Variants in NPIPB2 observed in about 807,000 individuals in gnomAD.
The protein encoded by NPIPB2 is nuclear pore complex-interacting protein family member B2.
NPIPB2 carries 27 observed loss-of-function variants against 30.8 expected under a neutral mutation model. That is an observed-to-expected ratio of 0.88 (90% CI 0.65 to 1.21). The LOEUF (loss-of-function observed/expected upper bound fraction) is 1.21. Among genes scored for constraint, NPIPB2 ranks in the 50% most tolerant of loss-of-function variants. The pLI is 0.00. For missense variants in NPIPB2, 440 were observed against 446.2 expected, an observed-to-expected ratio of 0.99 and a Z score of 0.13; for synonymous variants, 147 against 162.0, an observed-to-expected ratio of 0.91 and a Z score of 0.70.
intron 1 of NPIPB2, among the ~76,000 whole-genome samples, chr16:11,957,048 T>C (rs530043156): frequency 6.6e-6 from 1 of 152,098 alleles, no homozygotes; most frequent in Non-Finnish European, 1.5e-5. Context: ...CTGGAGTGCA[T>C]TGGTGCGATC....
chr16:11,934,825 C>T (rs1170800928), intron 2 of NPIPB2, among the ~76,000 whole-genome samples: 1 of 135,834 alleles, frequency 7.4e-6, no homozygotes, highest in Non-Finnish European at 1.6e-5. Flanking sequence ...CACCACTGCA[C>T]TCCAGCCTGG....
chr16:11,943,329 A>T (rs1396370175), upstream of NPIPB2, among the ~76,000 whole-genome samples: 1 of 152,188 alleles, frequency 6.6e-6, no homozygotes, highest in African/African-American at 2.4e-5. Flanking sequence ...AAAAACAGCA[A>T]CAACTACAAA....
intron 1 of NPIPB2, among the ~76,000 whole-genome samples, chr16:11,951,380 C>T (rs572278172): frequency 1.1e-3 from 149 of 134,820 alleles, no homozygotes; most frequent in African/African-American, 3.6e-3. Context: ...AGGAGAATGG[C>T]GTGAACCTGG....
At chr16:11,962,373 C>A (rs577113633) in intron 1 of NPIPB2, among the ~76,000 whole-genome samples, 4 of 151,854 alleles carry the variant, frequency 2.6e-5, no homozygotes, top group African/African-American at 7.2e-5. Context: ...GTGGCGCATG[C>A]CTGTAATCCC....
intron 1 of NPIPB2, among the ~76,000 whole-genome samples, chr16:11,953,365 C>T (rs1326902467): frequency 3.3e-5 from 5 of 151,252 alleles, no homozygotes; most frequent in East Asian, 1.9e-4. Context: ...TTTCTTGAGA[C>T]GGAGTCTTGC....
At chr16:11,957,380 G>T (rs957302918) in intron 1 of NPIPB2, among the ~76,000 whole-genome samples, 3 of 152,006 alleles carry the variant, frequency 2.0e-5, no homozygotes, top group African/African-American at 4.8e-5. Flanking sequence ...AGCCAGGATG[G>T]TCTCCATCTC....
At chr16:11,974,116 T>C (rs2055252811) in intron 1 of NPIPB2, among the ~76,000 whole-genome samples, 1 of 152,152 alleles carries the variant, frequency 6.6e-6, no homozygotes, top group African/African-American at 2.4e-5. Context: ...TTTGCTGTGT[T>C]ATGGGCGAGG....
At chr16:11,976,619 G>C (rs931494097) in exon 1 of NPIPB2, 1 of 375,578 alleles carries the variant, frequency 2.7e-6, no homozygotes, top group Non-Finnish European at 4.7e-6. Context: ...ACCGGGTCCG[G>C]CGACTTGGAT....
chr16:11,927,640 T>C lies in NPIPB2; in HGVS notation c.927A>G (p.Pro309=), dbSNP rs565342101. ...CATCCGCTGAGGGTGGAGCTGAGGGTGGAAGGGGAGTGAGCAGACACTCGG... is the reference window on the plus strand; with the variant it reads ...CATCCGCTGAGGGTGGAGCTGAGGGCGGAAGGGGAGTGAGCAGACACTCGG... Residue 309 remains proline, a synonymous_variant, in exon 8 of 8, where the codon CCA becomes CCG. Transcript: ENST00000399147. 1.3e-3 allele frequency: 2,155 copies of C among 1,598,708 alleles called. 8 individuals carry two copies. In the African/African-American group the frequency reaches 0.027, roughly 20 times the overall value.
intron 1 of NPIPB2, among the ~76,000 whole-genome samples, chr16:11,969,732 A>G (rs1035223649): frequency 1.3e-5 from 2 of 152,182 alleles, no homozygotes; most frequent in African/African-American, 4.8e-5. Flanking sequence ...GTAATCGCAA[A>G]CTGTGATAAC....
At chr16:11,934,588 C>T (rs1300004522) in intron 2 of NPIPB2, among the ~76,000 whole-genome samples, 2 of 147,430 alleles carry the variant, frequency 1.4e-5, no homozygotes, top group East Asian at 2.0e-4. Flanking sequence ...AGGCCAGGTG[C>T]GGTAGCTCAC....
At position 11,937,479 on chromosome 16, in the gene NPIPB2, T is replaced by C. The variant is rs554801900; in HGVS notation, c.192+61A>G. 4.5e-4 allele frequency: 398 copies of C among 885,710 alleles called. 6 individuals carry two copies. The South Asian group carries it at 4.7e-3, about 11-fold the overall frequency. The allele number at this position is 885,710 out of a possible 1,614,324, so 54.9% of individuals were successfully genotyped here. On this transcript the variant is annotated intron_variant, in intron 2 of 7. Transcript: ENST00000399147. ...TGAAGTCCAGAAATGTGAATTGTTT[T>C]ATATAATTTATTCTTATTTGTGATT...
intron 2 of NPIPB2, among the ~76,000 whole-genome samples, chr16:11,935,944 G>A (rs1270021984): frequency 3.4e-5 from 4 of 118,792 alleles, no homozygotes; most frequent in South Asian, 3.3e-4. Context: ...TGAGAGGTGC[G>A]AAGTTGTCCA....
intron 1 of NPIPB2, chr16:11,967,712 T>G (rs1190875567): frequency 6.2e-7 from 1 of 1,614,090 alleles, no homozygotes; most frequent in African/African-American, 1.3e-5. Flanking sequence ...AGGTCGACTC[T>G]GACCATTGCT....
chr16:11,971,494 T>G (rs1352322063), intron 1 of NPIPB2, among the ~76,000 whole-genome samples: 2 of 150,308 alleles, frequency 1.3e-5, no homozygotes, highest in Non-Finnish European at 2.9e-5. Flanking sequence ...TCAGAGATTT[T>G]CTTTCTTTTT....
intron 4 of NPIPB2, among the ~76,000 whole-genome samples, chr16:11,932,308 T>C (rs2054800726): frequency 6.6e-6 from 1 of 151,596 alleles, no homozygotes. Context: ...TACAATGTAA[T>C]ATGACCAAAA....
At chr16:11,937,562 G>T (rs1178599432) in exon 2 of NPIPB2, 1 of 1,599,100 alleles carries the variant, frequency 6.3e-7, no homozygotes, top group Non-Finnish European at 8.5e-7. Flanking sequence ...TGTCCAGAGG[G>T]TAAGGACAAC....
chr16:11,973,022 C>T (rs566654674), intron 1 of NPIPB2, among the ~76,000 whole-genome samples: 100 of 148,574 alleles, frequency 6.7e-4, no homozygotes, highest in South Asian at 2.8e-3. Flanking sequence ...TAGCCGGGCG[C>T]GGTGGCACAT....
chr16:11,971,227 C>G (rs1373142013), intron 1 of NPIPB2, among the ~76,000 whole-genome samples: 3 of 152,104 alleles, frequency 2.0e-5, no homozygotes, highest in Admixed American at 1.3e-4. Context: ...GGGTCAAACT[C>G]TAAAACATGT....
Sources: gnomAD v4.1 joint callset for allele counts (sites outside exome capture counted in the v4.1 genomes callset) on GRCh38, gnomAD v4.1.1 for gene constraint, MANE v1.5 for transcripts, NCBI Gene and HGNC (gene_info 2026-07-23, HGNC 2026-07-21) for gene names.